Variants in NAV3 observed in about 807,000 individuals in gnomAD.
The protein encoded by NAV3 is pore membrane and/or filament interacting like protein 1.
A neutral mutation model predicts 244.7 loss-of-function variants in NAV3; 87 were observed. The observed-to-expected ratio is 0.36, with a 90% CI of 0.30 to 0.42. The LOEUF is 0.42. NAV3 is among the 20% of genes least tolerant of loss of function. The probability of loss-of-function intolerance (pLI) is 1.00; values close to 1 mark genes in which losing one functional copy is unlikely to be tolerated. For missense variants in NAV3, 2,663 were observed against 2,893.3 expected, an observed-to-expected ratio of 0.92 and a Z score of 1.83; for synonymous variants, 1,126 against 1,042.2, an observed-to-expected ratio of 1.08 and a Z score of -1.55.
At position 77,578,902 on chromosome 12, in the gene NAV3, TA is replaced by T. The variant is rs34323694; in HGVS notation, c.72+6648del. ...CACGTCCAACCTTTATTCTATTCGT[TA>T]AAAAAAAAAAAGACACAATTAGGAG... On this transcript the variant is annotated intron_variant, in intron 2 of 8. Transcript: ENST00000550042. Among the ~76,000 whole-genome samples, 860 of 146,112 alleles carry T rather than the reference TA, an allele frequency of 5.9e-3. 4 individuals carry two copies. The highest frequency in any genetic ancestry group is 6.8e-3 in the Non-Finnish European group (453 of 66,390).
rs1592667419 is a variant in NAV3 at position 77,771,481 on chromosome 12, A to G, written c.73-168838A>G. Among the ~76,000 whole-genome samples the G allele has an allele frequency of 2.6e-5, 4 of 152,358 alleles. 1 individual carries two copies. The highest frequency in any genetic ancestry group is 9.6e-5 in the African/African-American group (4 of 41,578). On this transcript the variant is annotated intron_variant, in intron 2 of 8. Coordinates refer to the NAV3 transcript ENST00000550042. Reference sequence around the variant, plus strand: ...CATGCACATGCATGTTTATTGCAGCACTATTCACAATAGCAAAGACTTGGA... The same window carrying G: ...CATGCACATGCATGTTTATTGCAGCGCTATTCACAATAGCAAAGACTTGGA...
chr12:77,743,357 G>A (rs1330073578), intron 2 of NAV3, among the ~76,000 whole-genome samples: 1 of 151,698 alleles, frequency 6.6e-6, no homozygotes, highest in African/African-American at 2.4e-5. Context: ...TTTCGACTAG[G>A]GGTTGGTATC....
intron 2 of NAV3, among the ~76,000 whole-genome samples, chr12:77,698,773 G>T (rs1022938339): frequency 6.6e-6 from 1 of 152,092 alleles, no homozygotes; most frequent in Non-Finnish European, 1.5e-5. Flanking sequence ...TATGTGAATG[G>T]CATGGCTATT....
At chr12:78,034,332 A>G (rs1307417496) in intron 9 of NAV3, among the ~76,000 whole-genome samples, 2 of 152,230 alleles carry the variant, frequency 1.3e-5, no homozygotes, top group African/African-American at 4.8e-5. Context: ...TCAGCATAGT[A>G]GTTCTCAAAG....
intron 2 of NAV3, among the ~76,000 whole-genome samples, chr12:77,697,447 ATC>A: frequency 6.6e-6 from 1 of 152,314 alleles, no homozygotes; most frequent in South Asian, 2.1e-4. Flanking sequence ...AAGTTGCTTA[ATC>A]TCTCTTTCTC....
intron 2 of NAV3, among the ~76,000 whole-genome samples, chr12:77,709,697 T>C (rs561921190): frequency 5.4e-4 from 82 of 152,194 alleles, no homozygotes; most frequent in Non-Finnish European, 8.4e-4. Flanking sequence ...ATCATCATAG[T>C]CTGGCAAACA....
At chr12:77,855,694 A>C (rs1878297425) in intron 1 of NAV3, among the ~76,000 whole-genome samples, 1 of 152,180 alleles carries the variant, frequency 6.6e-6, no homozygotes, top group Non-Finnish European at 1.5e-5. Flanking sequence ...GCTCGTGGGC[A>C]CTCTATATAA....
intron 2 of NAV3, among the ~76,000 whole-genome samples, chr12:77,699,428 G>T (rs573107787): frequency 1.7e-4 from 26 of 152,224 alleles, no homozygotes; most frequent in Non-Finnish European, 3.1e-4. Context: ...GTAAAACAAT[G>T]ACTATTTTAT....
chr12:78,087,903 CTAT>C (rs1953719473), intron 12 of NAV3, among the ~76,000 whole-genome samples: 1 of 151,712 alleles, frequency 6.6e-6, no homozygotes, highest in African/African-American at 2.4e-5. Context: ...TTAATATGAA[CTAT>C]TATGTTTATT....
At chr12:78,121,386 G>A (rs546928183) in intron 15 of NAV3, among the ~76,000 whole-genome samples, 2 of 152,054 alleles carry the variant, frequency 1.3e-5, no homozygotes, top group East Asian at 1.9e-4. Context: ...ACTTGTTGCC[G>A]ACAATGTCAA....
At chr12:78,124,665 G>A (rs2138757122) in intron 16 of NAV3, among the ~76,000 whole-genome samples, 1 of 152,132 alleles carries the variant, frequency 6.6e-6, no homozygotes, top group African/African-American at 2.4e-5. Flanking sequence ...TGTTGGCCAG[G>A]CTGGTCTCGA....
intron 2 of NAV3, among the ~76,000 whole-genome samples, chr12:77,796,755 G>A (rs1451714387): frequency 6.6e-6 from 1 of 152,132 alleles, no homozygotes; most frequent in African/African-American, 2.4e-5. Context: ...TCAATACTGA[G>A]GCACGACTTT....
chr12:77,740,710 T>G (rs1868312077), intron 2 of NAV3, among the ~76,000 whole-genome samples: 2 of 151,938 alleles, frequency 1.3e-5, no homozygotes, highest in Admixed American at 6.6e-5. Context: ...AGAGGGTAAA[T>G]AGGAGGATAA....
At chr12:77,998,585 C>T (rs1187222387) in intron 7 of NAV3, 109 bp downstream of exon 7, 3 of 1,186,574 alleles carry the variant, frequency 2.5e-6, no homozygotes, top group South Asian at 1.9e-5. Context: ...GAGATGTTAT[C>T]AGTGGAGTTT....
chr12:78,189,503 T>C (rs1565782158), intron 33 of NAV3, among the ~76,000 whole-genome samples: 1 of 150,960 alleles, frequency 6.6e-6, no homozygotes, highest in East Asian at 2.0e-4. Context: ...TAATGAGAGA[T>C]AGAAGAGAAT....
At chr12:78,054,928 A>AT (rs1366243781) in intron 11 of NAV3, among the ~76,000 whole-genome samples, 1 of 152,170 alleles carries the variant, frequency 6.6e-6, no homozygotes, top group African/African-American at 2.4e-5. Flanking sequence ...ATAGAGATCT[A>AT]TTGTATTTCA....
intron 2 of NAV3, among the ~76,000 whole-genome samples, chr12:77,713,086 T>C (rs1169364499): frequency 1.3e-5 from 2 of 152,154 alleles, no homozygotes; most frequent in South Asian, 4.1e-4. Flanking sequence ...AACCGAGAGA[T>C]TGCCAGGCCC....
At chr12:77,726,498 G>A (rs1398320888) in intron 2 of NAV3, among the ~76,000 whole-genome samples, 1 of 151,902 alleles carries the variant, frequency 6.6e-6, no homozygotes, top group East Asian at 1.9e-4. Context: ...TAAGGGATTA[G>A]TCAGAGTATG....
rs534464557 is a variant in NAV3 at position 77,697,686 on chromosome 12, C to T, written c.72+125420C>T. ...TGGTTATATATAGCAGATTGTATAA[C>T]AAACACCCTGAATTAAAAGAAAAAT... On this transcript the variant is annotated intron_variant, in intron 2 of 8. Coordinates refer to the NAV3 transcript ENST00000550042. Among the ~76,000 whole-genome samples, 7 of 152,060 alleles carry T rather than the reference C, an allele frequency of 4.6e-5. 1 individual carries two copies. In the South Asian group the frequency reaches 8.3e-4, roughly 18 times the overall value.
Sources: allele counts gnomAD v4.1 joint callset (sites outside exome capture counted in the v4.1 genomes callset), GRCh38; gene constraint gnomAD v4.1.1; transcripts MANE v1.5; gene names NCBI Gene and HGNC (gene_info 2026-07-23, HGNC 2026-07-21).